The following RHBDF1 variants were observed in gnomAD, a reference collection of about 807,000 sequenced individuals.
RHBDF1 encodes the protein inactive rhomboid protein 1.
Under a neutral mutation model 98.6 loss-of-function variants are expected in RHBDF1, and 80 were observed. The ratio of observed to expected loss-of-function variants is 0.81; its 90% CI spans 0.68 to 0.98. The LOEUF is 0.98. Ranked by LOEUF, RHBDF1 falls within the 50% of genes least tolerant of loss-of-function variation. The pLI, the probability that RHBDF1 is intolerant of heterozygous loss-of-function variation, is 0.00. For missense variants in RHBDF1, 1,116 were observed against 1,198.3 expected (o/e 0.93, Z 1.01); for synonymous variants, 512 against 486.8 (o/e 1.05, Z -0.68).
chr16:61,323 T>A, intron 10 of RHBDF1, 42 bp from the exon 11 acceptor site: 1 of 1,543,170 alleles, frequency 6.5e-7, no homozygotes. Context: ...CGGGGCCTCC[T>A]GCCCCCGCCG....
At chr16:60,774 T>G in intron 11 of RHBDF1, 5 of 580,332 alleles carry the variant, frequency 8.6e-6, no homozygotes, top group Non-Finnish European at 1.2e-5. Flanking sequence ...GGAACTGGTA[T>G]GGACTACGGC....
At chr16:59,912 G>A (rs1567112554) in intron 13 of RHBDF1, 86 bp from the exon 14 acceptor site, 2 of 1,594,072 alleles carry the variant, frequency 1.3e-6, no homozygotes, top group Non-Finnish European at 8.5e-7. Context: ...GCAAAGATGG[G>A]TGGGCTCATA....
upstream of RHBDF1, among the ~76,000 whole-genome samples, chr16:73,143 C>G (rs1898020939): frequency 6.6e-6 from 1 of 152,252 alleles, no homozygotes; most frequent in African/African-American, 2.4e-5. Context: ...CATCCTTCCA[C>G]TTCATGCGTT....
At position 61,808 on chromosome 16, in the gene RHBDF1, C is replaced by G; in HGVS notation, c.1198G>C (p.Asp400His). The G allele has an allele frequency of 1.2e-6, 2 of 1,612,842 alleles. No homozygotes were observed. The highest frequency in any genetic ancestry group is 1.7e-5 in the Admixed American group (1 of 59,986). Residue 400 changes from aspartate to histidine, a missense_variant, in exon 8 of 18, where the codon GAC (aspartate) becomes CAC (histidine). Asp to His is a moderately conservative substitution (Grantham distance 81). Transcript: ENST00000262316. ...GCCTGCCACGCCTACCTGTGGTCGT[C>G]CATGTCCTCGATCTGGCGCTTGACG... is the stretch of plus-strand genomic sequence containing the variant. ...SFVKRQIEDM[D>H]DHRPFFTYWL...
intron 1 of RHBDF1, among the ~76,000 whole-genome samples, chr16:71,510 T>G (rs959957499): frequency 6.6e-6 from 1 of 152,174 alleles, no homozygotes; most frequent in African/African-American, 2.4e-5. Flanking sequence ...TGCCCAGGCA[T>G]CTAGCTGGGT....
chr16:61,382 C>T lies in RHBDF1; in HGVS notation c.1395+3G>A, dbSNP rs923395657. 1.9e-6 allele frequency: 3 copies of T among 1,605,138 alleles called. No homozygotes were observed. Among genetic ancestry groups the T allele is most frequent in the Admixed American group, 1.7e-5 (1 of 59,066 alleles). Reference sequence around the variant, plus strand: ...CCGGCCCCGCCCCCAGCCCCGTCCTCACCGAGCTGGGCCCGATCCAGAAGT... The same window carrying T: ...CCGGCCCCGCCCCCAGCCCCGTCCTTACCGAGCTGGGCCCGATCCAGAAGT... On this transcript the variant is annotated splice_donor_region_variant and intron_variant, in intron 10 of 17. Coordinates refer to ENST00000262316, the MANE Select transcript of RHBDF1 (RefSeq NM_022450.5).
In RHBDF1 at chr16:63,057, G is replaced by C. The variant is rs1897703286; in HGVS notation, c.588C>G (p.Arg196=). ...AASLCSFSSS[R]SGFHRLPRRR... ...GCCGCGGGAGCCGGTGGAAACCTGA[G>C]CGGGAGCTGGAGAAGGAGCAGAGGG... The change falls in exon 5 of 18, where the codon CGC becomes CGG. Residue 196 remains arginine, a synonymous_variant. Transcript: ENST00000262316. The C allele has an allele frequency of 6.2e-7, 1 of 1,612,930 alleles. No homozygotes were observed. The highest frequency in any genetic ancestry group is 2.2e-5 in the East Asian group (1 of 44,856).
At chr16:62,165 G>A (rs1897657972) in intron 7 of RHBDF1, 113 bp from the exon 8 acceptor site, 17 of 1,361,978 alleles carry the variant, frequency 1.2e-5, no homozygotes, top group South Asian at 6.2e-5. Context: ...TGCGCAAGTC[G>A]CCCGGCATCT....
In RHBDF1 at chr16:69,055, G is replaced by C. The variant is rs573651392; in HGVS notation, c.-25+3458C>G. On this transcript the variant is annotated intron_variant, in intron 1 of 17. Transcript: ENST00000262316. ...GCTGACTCCATCACAGGGTGGTGTA[G>C]CCTGTGGGTACTTGGCACTCTCTGA... Among the ~76,000 whole-genome samples, 84 of 152,268 alleles carry C rather than the reference G, an allele frequency of 5.5e-4. 1 individual carries two copies. The South Asian group carries it at 0.017, about 31-fold the overall frequency.
At chr16:74,133 G>A (rs1217338646), upstream of RHBDF1, among the ~76,000 whole-genome samples, 1 of 152,178 alleles carries the variant, frequency 6.6e-6, no homozygotes, top group Non-Finnish European at 1.5e-5. Flanking sequence ...GTGAGAGGGA[G>A]CCTGCCCCAG....
At chr16:71,217 G>A (rs1897960065) in intron 1 of RHBDF1, among the ~76,000 whole-genome samples, 1 of 152,190 alleles carries the variant, frequency 6.6e-6, no homozygotes, top group African/African-American at 2.4e-5. Flanking sequence ...TTGTGCAACG[G>A]AGGCCACCCA....
In RHBDF1 at chr16:59,250, C is replaced by T. The variant is rs370237545; in HGVS notation, c.1993G>A (p.Gly665Arg). The change falls in exon 16 of 18, where the codon GGG (glycine) becomes AGG (arginine). Residue 665 changes from glycine to arginine, a missense_variant and splice_region_variant. By Grantham distance (125) the Gly-to-Arg change is moderately radical. Coordinates refer to ENST00000262316, the MANE Select transcript of RHBDF1 (RefSeq NM_022450.5). ...GACCCGGCCCACAGTGTCACTTGCCCGGCGTGCAGGAAGAGGGATAGCCAC... is the reference window on the plus strand; with the variant it reads ...GACCCGGCCCACAGTGTCACTTGCCTGGCGTGCAGGAAGAGGGATAGCCAC... The part of the protein sequence containing the change: ...RLWLSLFLHA[G>R]ILHCLVSICF... 1.2e-5 allele frequency: 19 copies of T among 1,599,146 alleles called. No homozygotes were observed. The highest frequency in any genetic ancestry group is 1.4e-5 in the Non-Finnish European group (16 of 1,171,280).
Position 61,566 on chromosome 16 carries a change from G to T in RHBDF1, c.1320+19C>A. 17 of 1,612,548 alleles carry T rather than the reference G, an allele frequency of 1.1e-5. No individual in the cohort carries two copies. Among genetic ancestry groups the T allele is most frequent in the Non-Finnish European group, 1.4e-5 (17 of 1,179,356 alleles). On this transcript the variant is annotated intron_variant, in intron 9 of 17. Coordinates refer to ENST00000262316, the MANE Select transcript of RHBDF1 (RefSeq NM_022450.5). Reference sequence around the variant, plus strand: ...CCGGACTCCACTCGTCTGGGCCCAGGGAAGGCACAGGGGCTCACCGAGTCC... The same window carrying T: ...CCGGACTCCACTCGTCTGGGCCCAGTGAAGGCACAGGGGCTCACCGAGTCC...
At chr16:65,185 C>T in intron 1 of RHBDF1, 146 bp from the exon 2 acceptor site, 1 of 846,068 alleles carries the variant, frequency 1.2e-6, no homozygotes. Context: ...GTGTGCTCAG[C>T]ACCGACTTTC....
chr16:61,186 C>A lies in RHBDF1; in HGVS notation c.1491G>T (p.Lys497Asn). ...CGTTGCGCACGCAGCAGGCGGAGTGCTTCTCGCGCTCGCGCGCCGAGCGAA... is the reference window on the plus strand; with the variant it reads ...CGTTGCGCACGCAGCAGGCGGAGTGATTCTCGCGCTCGCGCGCCGAGCGAA... Reference protein sequence around the residue: ...SFIRSAREREKHSACCVRNDR... With the variant: ...SFIRSARERENHSACCVRNDR... The change falls in exon 11 of 18, where the codon AAG (lysine) becomes AAT (asparagine). Residue 497 changes from lysine (K) to asparagine (N), a missense_variant. By Grantham distance (94) the Lys-to-Asn change is moderately conservative. Coordinates refer to ENST00000262316, the MANE Select transcript of RHBDF1 (RefSeq NM_022450.5). 2 of 1,542,372 alleles carry A rather than the reference C, an allele frequency of 1.3e-6. No individual in the cohort carries two copies. Among genetic ancestry groups the A allele is most frequent in the South Asian group, 2.4e-5 (2 of 83,962 alleles).
At chr16:69,930 C>T (rs563433574) in intron 1 of RHBDF1, among the ~76,000 whole-genome samples, 4 of 151,808 alleles carry the variant, frequency 2.6e-5, no homozygotes, top group South Asian at 4.2e-4. Flanking sequence ...TGAGGGAAGC[C>T]GCCCTAGGGC....
Position 61,892 on chromosome 16 carries a change from C to G in RHBDF1, c.1114G>C (p.Gly372Arg). The change falls in exon 8 of 18, where the codon GGG becomes CGG. Residue 372 changes from glycine (G) to arginine (R), a missense_variant. By Grantham distance (125) the Gly-to-Arg change is moderately radical. Transcript: ENST00000262316. ...GTGAGCCGTCCCACCATGCCCAGCC[C>G]ATACGGCCGCTTCTCCCGGGCGAAG... ...KLFAREKRPY[G>R]LGMVGRLTNR... 6.2e-7 allele frequency: 1 copy of G among 1,607,784 alleles called. No homozygotes were observed. Among genetic ancestry groups the G allele is most frequent in the Non-Finnish European group, 8.5e-7 (1 of 1,179,768 alleles).
intron 1 of RHBDF1, among the ~76,000 whole-genome samples, chr16:66,693 A>G (rs1897838799): frequency 6.6e-6 from 1 of 152,106 alleles, no homozygotes; most frequent in South Asian, 2.1e-4. Flanking sequence ...TGGGGGGCAA[A>G]GCTTTGGGGC....
At chr16:60,594 C>A in intron 11 of RHBDF1, 55 bp from the exon 12 acceptor site, 3 of 1,385,488 alleles carry the variant, frequency 2.2e-6, no homozygotes, top group Non-Finnish European at 3.0e-6. Flanking sequence ...ATGAGGGGCA[C>A]GCAGGGAGTC....
Sources: allele counts gnomAD v4.1 joint callset (sites outside exome capture counted in the v4.1 genomes callset), GRCh38; gene constraint gnomAD v4.1.1; transcripts MANE v1.5; gene names NCBI Gene and HGNC (gene_info 2026-07-23, HGNC 2026-07-21).